LCLAT1: variants seen among roughly 807,000 people sequenced by gnomAD.
The protein encoded by LCLAT1 is lysocardiolipin acyltransferase 1, also known as 1-AGP acyltransferase 8.
LCLAT1 carries 11 observed loss-of-function variants against 30.7 expected under a neutral mutation model. The observed-to-expected ratio is 0.36, with a 90% CI of 0.23 to 0.59. The LOEUF is 0.59. Ranked by LOEUF, LCLAT1 falls within the 20% of genes least tolerant of loss-of-function variation. The pLI is 0.77. For synonymous variants in LCLAT1, 155 were observed against 151.3 expected, an observed-to-expected ratio of 1.02 and a Z score of -0.18; for missense variants, 402 against 458.6, an observed-to-expected ratio of 0.88 and a Z score of 1.13.
At chr2:30,623,046 A>ATT (rs34283582) in intron 5 of LCLAT1, among the ~76,000 whole-genome samples, 75 of 83,220 alleles carry the variant, frequency 9.0e-4, no homozygotes, top group South Asian at 2.4e-3. Context: ...AATTCAAAGA[A>ATT]TTTTTTTTTT....
chr2:30,456,414 C>CTTAT (rs1260376040), intron 1 of LCLAT1, among the ~76,000 whole-genome samples: 1 of 104,934 alleles, frequency 9.5e-6, no homozygotes, highest in African/African-American at 2.9e-5. Context: ...GGAAGGGGGT[C>CTTAT]TTATTACCAC....
intron 5 of LCLAT1, among the ~76,000 whole-genome samples, chr2:30,570,638 A>G (rs1315890200): frequency 2.6e-5 from 4 of 152,234 alleles, no homozygotes; most frequent in African/African-American, 9.6e-5. Context: ...GCTTGTATTT[A>G]TAGTATGATT....
At chr2:30,534,737 C>G (rs1452936243) in intron 3 of LCLAT1, among the ~76,000 whole-genome samples, 1 of 152,112 alleles carries the variant, frequency 6.6e-6, no homozygotes, top group Non-Finnish European at 1.5e-5. Context: ...TATGACCTAG[C>G]CTTAGAATTC....
At chr2:30,504,215 C>T (rs1684549584) in intron 1 of LCLAT1, among the ~76,000 whole-genome samples, 1 of 151,762 alleles carries the variant, frequency 6.6e-6, no homozygotes, top group Non-Finnish European at 1.5e-5. Flanking sequence ...CATAACATAA[C>T]ATATATTACA....
At chr2:30,473,944 A>G (rs1682922122) in intron 1 of LCLAT1, among the ~76,000 whole-genome samples, 1 of 152,194 alleles carries the variant, frequency 6.6e-6, no homozygotes, top group Admixed American at 6.5e-5. Flanking sequence ...AGTCCAATTC[A>G]CTGTTTGGAT....
In LCLAT1 at chr2:30,521,489, CTTCTTTTTTTTTTTTTTTTT is replaced by C. The variant is rs1326002161; in HGVS notation, c.-4-4095_-4-4076del. On this transcript the variant is annotated intron_variant, in intron 1 of 5. Coordinates refer to ENST00000379509, the MANE Select transcript of LCLAT1 (RefSeq NM_001002257.3). ...GTTTCCTCAACCCCCTAAACTACTT[CTTCTTTTTTTTTTTTTTTTT>C]TTTTTTTTTTTTTTTTTGAGAGGGA... Among the ~76,000 whole-genome samples, 110 of 55,572 alleles carry C rather than the reference CTTCTTTTTTTTTTTTTTTTT, an allele frequency of 2.0e-3. 2 individuals are homozygous for C. The highest frequency in any genetic ancestry group is 0.037 in the Middle Eastern group (2 of 54). The allele number at this position is 55,572 out of a possible 152,430, so 36.5% of individuals were successfully genotyped here. A position where few individuals can be genotyped will look rare whatever the true frequency, so the allele number is the denominator to read the frequency against.
At chr2:30,622,475 C>T (rs1054406717) in intron 5 of LCLAT1, among the ~76,000 whole-genome samples, 22 of 152,180 alleles carry the variant, frequency 1.4e-4, no homozygotes, top group African/African-American at 5.3e-4. Flanking sequence ...GAAAGTGCCA[C>T]CTCCTAGCTG....
intron 1 of LCLAT1, among the ~76,000 whole-genome samples, chr2:30,449,598 T>G (rs550964624): frequency 4.1e-4 from 62 of 152,120 alleles, no homozygotes; most frequent in African/African-American, 1.4e-3. Context: ...CCTCCCGGGT[T>G]CAAGCGATTC....
intron 1 of LCLAT1, among the ~76,000 whole-genome samples, chr2:30,467,202 T>C (rs895862755): frequency 3.9e-5 from 6 of 152,186 alleles, no homozygotes; most frequent in Non-Finnish European, 7.3e-5. Context: ...TGGTTTTTTG[T>C]CCTTGCAATA....
intron 3 of LCLAT1, among the ~76,000 whole-genome samples, chr2:30,549,980 T>C (rs1459835358): frequency 6.6e-6 from 1 of 152,206 alleles, no homozygotes; most frequent in Non-Finnish European, 1.5e-5. Flanking sequence ...GAAAATAATG[T>C]CAAAACTATA....
intron 3 of LCLAT1, among the ~76,000 whole-genome samples, chr2:30,537,574 G>C (rs1430573447): frequency 1.3e-5 from 2 of 151,440 alleles, no homozygotes; most frequent in African/African-American, 4.9e-5. Context: ...GGAGCACCCA[G>C]ATATATAAAG....
At chr2:30,533,764 A>G (rs746683693) in intron 3 of LCLAT1, among the ~76,000 whole-genome samples, 5 of 152,252 alleles carry the variant, frequency 3.3e-5, no homozygotes, top group Middle Eastern at 3.4e-3. Context: ...AACTTCCCCA[A>G]TCTATAACTT....
chr2:30,498,259 A>C (rs1369574412), intron 1 of LCLAT1, among the ~76,000 whole-genome samples: 1 of 152,186 alleles, frequency 6.6e-6, no homozygotes. Context: ...GTTTTGGAGA[A>C]AGCACCACTT....
At chr2:30,562,857 A>G (rs2148442367) in intron 4 of LCLAT1, among the ~76,000 whole-genome samples, 1 of 152,272 alleles carries the variant, frequency 6.6e-6, no homozygotes, top group East Asian at 1.9e-4. Flanking sequence ...CCTCATAAGA[A>G]AAAGATCTGA....
chr2:30,538,419 G>T (rs1663914066), intron 3 of LCLAT1, among the ~76,000 whole-genome samples: 1 of 152,112 alleles, frequency 6.6e-6, no homozygotes, highest in South Asian at 2.1e-4. Context: ...AAGGCGGGTG[G>T]ATCACCTGAG....
chr2:30,501,935 A>G (rs978897088), intron 1 of LCLAT1, among the ~76,000 whole-genome samples: 1 of 152,236 alleles, frequency 6.6e-6, no homozygotes, highest in African/African-American at 2.4e-5. Context: ...ACCCTCAGTG[A>G]TATGTATATC....
chr2:30,526,750 C>A (rs1685740874), intron 2 of LCLAT1, among the ~76,000 whole-genome samples: 1 of 152,152 alleles, frequency 6.6e-6, no homozygotes, highest in Admixed American at 6.5e-5. Context: ...CAGATATGAT[C>A]TCTGTCCTTG....
At chr2:30,589,221 G>A (rs1301245989) in intron 5 of LCLAT1, among the ~76,000 whole-genome samples, 2 of 152,110 alleles carry the variant, frequency 1.3e-5, no homozygotes, top group African/African-American at 2.4e-5. Context: ...TTAAATATTA[G>A]ATAATGTCTT....
chr2:30,557,355 G>GT (rs1664973571), intron 3 of LCLAT1, among the ~76,000 whole-genome samples: 1 of 147,044 alleles, frequency 6.8e-6, no homozygotes. Context: ...GAACTAACAT[G>GT]TTTTTTAAAA....
Sources: allele counts gnomAD v4.1 joint callset (sites outside exome capture counted in the v4.1 genomes callset), GRCh38; gene constraint gnomAD v4.1.1; transcripts MANE v1.5; gene names NCBI Gene and HGNC (gene_info 2026-07-23, HGNC 2026-07-21).